Variants in PRICKLE2 observed in about 807,000 individuals in gnomAD.
PRICKLE2 encodes prickle-like protein 2.
In PRICKLE2, 21 loss-of-function variants were observed where a neutral mutation model predicts 81.4. That is an observed-to-expected ratio of 0.26 (90% CI 0.18 to 0.37). The LOEUF (loss-of-function observed/expected upper bound fraction) is 0.37, where lower values mean the gene tolerates loss of function less well. Ranked by LOEUF, PRICKLE2 falls within the 10% of genes least tolerant of loss-of-function variation. The pLI is 1.00. For missense variants in PRICKLE2, 940 were observed against 1,109.0 expected (o/e 0.85, Z 2.16); for synonymous variants, 456 against 421.5 (o/e 1.08, Z -1.00).
At chr3:64,227,657 G>C (rs2079047999), upstream of PRICKLE2, among the ~76,000 whole-genome samples, 1 of 152,168 alleles carries the variant, frequency 6.6e-6, no homozygotes, top group African/African-American at 2.4e-5. Flanking sequence ...TCTATGACTT[G>C]AGGCCTGAGG....
chr3:64,107,370 T>C (rs1409312135), intron 7 of PRICKLE2, among the ~76,000 whole-genome samples: 4 of 152,114 alleles, frequency 2.6e-5, no homozygotes, highest in Non-Finnish European at 5.9e-5. Flanking sequence ...AAAGAAAATA[T>C]TTGCTGGCTC....
At chr3:64,118,108 T>C (rs901257399) in intron 7 of PRICKLE2, among the ~76,000 whole-genome samples, 4 of 152,168 alleles carry the variant, frequency 2.6e-5, no homozygotes, top group African/African-American at 4.8e-5. Context: ...GGGGAAAGGA[T>C]TGCCTGCTAA....
At chr3:64,214,174 T>A (rs890085335) in intron 1 of PRICKLE2, among the ~76,000 whole-genome samples, 1 of 152,188 alleles carries the variant, frequency 6.6e-6, no homozygotes, top group Non-Finnish European at 1.5e-5. Context: ...GTGGTGATTC[T>A]GGCAATGGTC....
intron 1 of PRICKLE2, among the ~76,000 whole-genome samples, chr3:64,217,535 T>C (rs981085933): frequency 6.6e-5 from 10 of 152,006 alleles, no homozygotes; most frequent in Non-Finnish European, 1.3e-4. Context: ...AAATGGAAAA[T>C]AGGGTTTCAT....
At chr3:64,196,847 C>G (rs1356988381) in intron 2 of PRICKLE2, among the ~76,000 whole-genome samples, 1 of 152,196 alleles carries the variant, frequency 6.6e-6, no homozygotes, top group Non-Finnish European at 1.5e-5. Flanking sequence ...GAATGGCCAT[C>G]ACTCAACTCC....
chr3:64,185,237 C>G (rs141978646), intron 2 of PRICKLE2, among the ~76,000 whole-genome samples: 7 of 152,140 alleles, frequency 4.6e-5, no homozygotes, highest in Non-Finnish European at 8.8e-5. Context: ...TGGCAAGAGT[C>G]AGAAAGGTTT....
chr3:64,220,097 T>C (rs573780790), intron 1 of PRICKLE2, among the ~76,000 whole-genome samples: 33 of 152,184 alleles, frequency 2.2e-4, no homozygotes, highest in Non-Finnish European at 4.6e-4. Flanking sequence ...ATATTAACAG[T>C]TACCTTAAAA....
rs2076520311 is a variant in PRICKLE2, at chr3:64,092,315, C to T, written c.*6736G>A. The stretch of plus-strand genomic sequence containing the variant: ...AAACAACTCTTGTTGTCTGCCACTC[C>T]CAAGTCCTTGTGATTAGCTAGGGTG... On this transcript the variant is annotated 3_prime_UTR_variant, in exon 8 of 8. Transcript: ENST00000638394. The T allele has an allele frequency of 6.6e-6, 1 of 152,190 alleles. No individual in the cohort carries two copies. The highest frequency in any genetic ancestry group is 1.5e-5 in the Non-Finnish European group (1 of 68,034). The allele number at this position is 152,190 out of a possible 1,614,324, so 9.4% of individuals were successfully genotyped here.
chr3:64,107,925 T>TA (rs2076781563), intron 7 of PRICKLE2, among the ~76,000 whole-genome samples: 1 of 152,256 alleles, frequency 6.6e-6, no homozygotes, highest in Non-Finnish European at 1.5e-5. Flanking sequence ...TAGCTCCCTT[T>TA]CATTAGGGTC....
At chr3:64,263,996 C>A (rs902401227) in intron 2 of PRICKLE2, among the ~76,000 whole-genome samples, 1 of 152,208 alleles carries the variant, frequency 6.6e-6, no homozygotes, top group Non-Finnish European at 1.5e-5. Context: ...AGAGTGGCGG[C>A]AGGGCAGTGG....
intron 7 of PRICKLE2, among the ~76,000 whole-genome samples, chr3:64,123,712 T>C (rs961252749): frequency 3.3e-5 from 5 of 152,214 alleles, no homozygotes; most frequent in Non-Finnish European, 5.9e-5. Context: ...ATATTACTAT[T>C]GTAATTGTTT....
At chr3:64,258,639 T>C (rs1250753369) in intron 2 of PRICKLE2, among the ~76,000 whole-genome samples, 1 of 150,456 alleles carries the variant, frequency 6.6e-6, no homozygotes, top group Non-Finnish European at 1.5e-5. Context: ...GCTAACACAG[T>C]GAAACCCTGT....
rs2079561045 is a variant in PRICKLE2, at chr3:64,258,546, T to C, written c.129-59579A>G. Among the ~76,000 whole-genome samples the C allele has an allele frequency of 2.6e-5, 4 of 151,522 alleles. No individual in the cohort carries two copies. The South Asian group carries it at 8.4e-4, about 32-fold the overall frequency. On this transcript the variant is annotated intron_variant, in intron 2 of 8. Transcript: ENST00000295902. ...ATGATGTTAGAAATCGGAGGCTGGG[T>C]GTGGTGGCTCACGCCTGTAATCCCA...
intron 6 of PRICKLE2, among the ~76,000 whole-genome samples, chr3:64,149,969 C>CTT (rs34841544): frequency 0.016 from 1,710 of 109,680 alleles, 61 homozygotes; most frequent in African/African-American, 0.034. Flanking sequence ...TCAACTCCAT[C>CTT]TTTTTTTTTT....
rs1417004962 is a variant in PRICKLE2, at chr3:64,094,773, ACTTCT to A, written c.*4273_*4277del. The A allele has an allele frequency of 6.5e-6, 1 of 152,688 alleles. No homozygotes were observed. Among genetic ancestry groups the A allele is most frequent in the African/African-American group, 2.4e-5 (1 of 41,468 alleles). The allele number at this position is 152,688 out of a possible 1,614,324, so 9.5% of individuals were successfully genotyped here. ...TGGAGACAAGGCAAAGGCCATTTCT[ACTTCT>A]CTTGTGCTTAAAGAAATGTACCTCA... is the stretch of plus-strand genomic sequence containing the variant. On this transcript the variant is annotated 3_prime_UTR_variant, in exon 8 of 8. Transcript: ENST00000638394.
At chr3:64,161,030 G>T (rs1186625745) in intron 3 of PRICKLE2, among the ~76,000 whole-genome samples, 1 of 152,200 alleles carries the variant, frequency 6.6e-6, no homozygotes, top group East Asian at 1.9e-4. Flanking sequence ...GAACCATGTT[G>T]TTAGATTCTA....
At chr3:64,193,825 G>GTAAGA (rs1207021972) in intron 2 of PRICKLE2, among the ~76,000 whole-genome samples, 9 of 152,336 alleles carry the variant, frequency 5.9e-5, no homozygotes, top group African/African-American at 2.2e-4. Flanking sequence ...TGCCGTCCAT[G>GTAAGA]TAAGACATGA....
chr3:64,123,632 T>C (rs145239601), intron 7 of PRICKLE2, among the ~76,000 whole-genome samples: 1 of 152,232 alleles, frequency 6.6e-6, no homozygotes, highest in Non-Finnish European at 1.5e-5. Context: ...ATTGTGGTAA[T>C]TCTCACAATA....
At chr3:64,179,201 A>G (rs991418312) in intron 2 of PRICKLE2, among the ~76,000 whole-genome samples, 2 of 151,336 alleles carry the variant, frequency 1.3e-5, no homozygotes, top group South Asian at 4.2e-4. Context: ...CTCAGCCTCC[A>G]GAGTAGCTGG....
Sources: gnomAD v4.1 joint callset for allele counts (sites outside exome capture counted in the v4.1 genomes callset) on GRCh38, gnomAD v4.1.1 for gene constraint, MANE v1.5 for transcripts, NCBI Gene and HGNC (gene_info 2026-07-23, HGNC 2026-07-21) for gene names.